EIF4A2: variants seen among roughly 807,000 people sequenced by gnomAD.
EIF4A2 encodes the protein eukaryotic translation initiation factor 4A2.
A neutral mutation model predicts 50.6 loss-of-function variants in EIF4A2; 9 were observed. That is an observed-to-expected ratio of 0.18 (90% CI 0.11 to 0.31). The LOEUF (loss-of-function observed/expected upper bound fraction) is 0.31, where lower values mean the gene tolerates loss of function less well. Among genes scored for constraint, EIF4A2 ranks in the 10% least tolerant of loss-of-function variants. The pLI is 1.00. For synonymous variants in EIF4A2, 215 were observed against 164.4 expected, an observed-to-expected ratio of 1.31 and a Z score of -2.35; for missense variants, 182 against 501.8, an observed-to-expected ratio of 0.36 and a Z score of 6.09.
chr3:186,789,825 C>G lies in EIF4A2; in HGVS notation c.*556C>G. On this transcript the variant is annotated 3_prime_UTR_variant, in exon 11 of 11. Transcript: ENST00000323963. ...AAGCAATCCTAGGTAGGGTTTAATC[C>G]CCAGTAAAATTGCCATATTGCACAT... is the stretch of plus-strand genomic sequence containing the variant. The G allele has an allele frequency of 1.6e-6, 1 of 634,998 alleles. No individual in the cohort carries two copies. The highest frequency in any genetic ancestry group is 2.0e-5 in the South Asian group (1 of 50,594). The allele number at this position is 634,998 out of a possible 1,614,324, so 39.3% of individuals were successfully genotyped here. A position where few individuals can be genotyped will look rare whatever the true frequency, so the allele number is the denominator to read the frequency against.
intron 10 of EIF4A2, chr3:186,788,325 G>T (rs1304814071): frequency 7.7e-7 from 1 of 1,290,376 alleles, no homozygotes; most frequent in Non-Finnish European, 1.0e-6. Flanking sequence ...GATAGCAGCA[G>T]TTGGTGACGA....
chr3:186,787,343 T>C (rs749341711), intron 8 of EIF4A2, 79 bp downstream of exon 8: 16 of 1,612,874 alleles, frequency 9.9e-6, no homozygotes, highest in Non-Finnish European at 1.4e-5. Context: ...TGCTGTGTTG[T>C]CGTTCCCCCT....
intron 4 of EIF4A2, chr3:186,785,451 C>A: frequency 3.0e-6 from 1 of 338,204 alleles, no homozygotes. Flanking sequence ...GCTATGTTTT[C>A]AAAGCTCACT....
chr3:186,789,022 C>A, intron 10 of EIF4A2, 103 bp from the exon 11 acceptor site: 1 of 1,471,250 alleles, frequency 6.8e-7, no homozygotes, highest in Non-Finnish European at 9.1e-7. Context: ...CGAACTATAA[C>A]CTTGATAAGT....
chr3:186,788,252 A>C, intron 10 of EIF4A2: 1 of 1,277,834 alleles, frequency 7.8e-7, no homozygotes, highest in Non-Finnish European at 1.0e-6. Context: ...TTTATCCCTA[A>C]ATAAATTGAA....
intron 4 of EIF4A2, chr3:186,785,377 A>T: frequency 2.2e-6 from 1 of 463,616 alleles, no homozygotes; most frequent in Non-Finnish European, 3.8e-6. Flanking sequence ...GTTGTGCAAC[A>T]TGAAAACTGC....
chr3:186,787,308 T>C (rs1348389167), intron 8 of EIF4A2, 44 bp downstream of exon 8: 1 of 1,613,906 alleles, frequency 6.2e-7, no homozygotes, highest in Non-Finnish European at 8.5e-7. Flanking sequence ...TAAAGCAGGA[T>C]TCAGACTACA....
intron 4 of EIF4A2, 153 bp downstream of exon 4, chr3:186,785,254 A>T (rs956552399): frequency 8.9e-7 from 1 of 1,119,140 alleles, no homozygotes; most frequent in African/African-American, 1.6e-5. Context: ...TGAAAGTTTT[A>T]AAAGAACTGG....
intron 6 of EIF4A2, 70 bp from the exon 7 acceptor site, chr3:186,786,432 T>TTGG: frequency 1.3e-6 from 2 of 1,579,866 alleles, no homozygotes; most frequent in Admixed American, 3.6e-5. Context: ...ACAGAGACGC[T>TTGG]TGGCTTCAGA....
chr3:186,789,424 GTGAGCT>G lies in EIF4A2; in HGVS notation c.*156_*161del. Reference sequence around the variant, plus strand: ...TTTTGATAGCAAAGCGACGTTAGTCGTGAGCTCTTGTGAGGAAAGTCATTGGCTTTA... The same window carrying G: ...TTTTGATAGCAAAGCGACGTTAGTCGCTTGTGAGGAAAGTCATTGGCTTTA... On this transcript the variant is annotated 3_prime_UTR_variant, in exon 11 of 11. Transcript: ENST00000323963. 2.9e-6 allele frequency: 3 copies of G among 1,025,466 alleles called. No homozygotes were observed. The highest frequency in any genetic ancestry group is 3.4e-4 in the Middle Eastern group (1 of 2,970). 63.5% of individuals were successfully genotyped at this position (1,025,466 alleles called of 1,614,324 possible).
chr3:186,783,602 T>TA lies in EIF4A2; in HGVS notation c.-9_-8insA, dbSNP rs1560082640. The TA allele has an allele frequency of 6.2e-7, 1 of 1,614,120 alleles. No homozygotes were observed. Among genetic ancestry groups the TA allele is most frequent in the South Asian group, 1.1e-5 (1 of 91,068 alleles). Reference sequence around the variant, plus strand: ...CTTTTCAGTCGGGCGCTGAGTGGTTTTTCGGATCATGTCTGGTGGCTCCGC... The same window carrying TA: ...CTTTTCAGTCGGGCGCTGAGTGGTTTATTCGGATCATGTCTGGTGGCTCCGC... On this transcript the variant is annotated 5_prime_UTR_variant, in exon 1 of 11. Transcript: ENST00000323963.
At chr3:186,789,016 C>A in intron 10 of EIF4A2, 109 bp from the exon 11 acceptor site, 1 of 1,462,440 alleles carries the variant, frequency 6.8e-7, no homozygotes, top group Non-Finnish European at 9.1e-7. Flanking sequence ...GAAGCACGAA[C>A]TATAACCTTG....
intron 9 of EIF4A2, 85 bp from the exon 10 acceptor site, chr3:186,787,718 G>C (rs768617199): frequency 2.5e-6 from 4 of 1,592,166 alleles, no homozygotes; most frequent in African/African-American, 2.7e-5. Context: ...ATACCACTTA[G>C]TATAGTTCGC....
chr3:186,784,309 G>C lies in EIF4A2; in HGVS notation c.30-123G>C, dbSNP rs1721562236. 1.4e-6 allele frequency: 2 copies of C among 1,408,278 alleles called. 1 individual carries two copies. The allele number at this position is 1,408,278 out of a possible 1,614,324, so 87.2% of individuals were successfully genotyped here. A position where few individuals can be genotyped will look rare whatever the true frequency, so the allele number is the denominator to read the frequency against. On this transcript the variant is annotated intron_variant, in intron 1 of 10. Coordinates refer to ENST00000323963, the MANE Select transcript of EIF4A2 (RefSeq NM_001967.4). ...GCACAGTGTGGATATTCGCCCTGAG[G>C]CTGCTGCTTTAGCTTGTGCAGGGGA...
chr3:186,787,920 C>T, intron 10 of EIF4A2, 38 bp downstream of exon 10: 1 of 1,600,444 alleles, frequency 6.2e-7, no homozygotes, highest in Non-Finnish European at 8.6e-7. Context: ...GAAAAAAATT[C>T]ATACGTTTTT....
rs189228194 is a variant in EIF4A2, at chr3:186,789,455, A to G, written c.*186A>G. ...TCTTGTGAGGAAAGTCATTGGCTTT[A>G]TCCTCTTTAGAGTTAGACTGTTGGG... On this transcript the variant is annotated 3_prime_UTR_variant, in exon 11 of 11. Transcript: ENST00000323963. 1.1e-5 allele frequency: 8 copies of G among 732,114 alleles called. No individual in the cohort carries two copies. The highest frequency in any genetic ancestry group is 4.1e-4 in the Middle Eastern group (1 of 2,436). The allele number at this position is 732,114 out of a possible 1,614,324, so 45.4% of individuals were successfully genotyped here.
At chr3:186,784,258 C>T (rs1394185953) in intron 1 of EIF4A2, 174 bp from the exon 2 acceptor site, 2 of 919,878 alleles carry the variant, frequency 2.2e-6, no homozygotes, top group South Asian at 1.7e-5. Flanking sequence ...TCCGGGCATC[C>T]GCAGGCCCCA....
chr3:186,789,486 T>G lies in EIF4A2; in HGVS notation c.*217T>G. 2.1e-6 allele frequency: 1 copy of G among 477,450 alleles called. No homozygotes were observed. The highest frequency in any genetic ancestry group is 2.0e-5 in the African/African-American group (1 of 49,736). 29.6% of individuals were successfully genotyped at this position (477,450 alleles called of 1,614,324 possible). A position where few individuals can be genotyped will look rare whatever the true frequency, so the allele number is the denominator to read the frequency against. ...TTTAGAGTTAGACTGTTGGGGTGGG[T>G]ATAAAAGATGGGGTCTGTAAAATCT... is the stretch of plus-strand genomic sequence containing the variant. On this transcript the variant is annotated 3_prime_UTR_variant, in exon 11 of 11. Coordinates refer to ENST00000323963, the MANE Select transcript of EIF4A2 (RefSeq NM_001967.4).
rs373445043 is a variant in EIF4A2, at chr3:186,787,281, A to G, written c.909+17A>G. The G allele has an allele frequency of 9.9e-6, 16 of 1,614,030 alleles. No individual in the cohort carries two copies. Among genetic ancestry groups the G allele is most frequent in the Non-Finnish European group, 1.3e-5 (15 of 1,179,960 alleles). Reference sequence around the variant, plus strand: ...TCTGCTCTGGTAAGAGGTGTTCTAAAATGTCTGGATTTCCACTAAAGCAGG... The same window carrying G: ...TCTGCTCTGGTAAGAGGTGTTCTAAGATGTCTGGATTTCCACTAAAGCAGG... On this transcript the variant is annotated intron_variant, in intron 8 of 10. Transcript: ENST00000323963.
Sources: gnomAD v4.1 joint callset for allele counts on GRCh38, gnomAD v4.1.1 for gene constraint, MANE v1.5 for transcripts, NCBI Gene and HGNC (gene_info 2026-07-23, HGNC 2026-07-21) for gene names.